MARS1: variants seen among roughly 807,000 people sequenced by gnomAD.
MARS1 encodes the protein methionyl-tRNA synthetase 1.
A neutral mutation model predicts 119.5 loss-of-function variants in MARS1; 80 were observed. The ratio of observed to expected loss-of-function variants is 0.67; its 90% CI spans 0.56 to 0.81. The LOEUF (loss-of-function observed/expected upper bound fraction) is 0.81, where lower values mean the gene tolerates loss of function less well. Among genes scored for constraint, MARS1 ranks in the 30% least tolerant of loss-of-function variants. MARS1 has a pLI of 0.00. For missense variants in MARS1, 945 were observed against 1,116.5 expected (o/e 0.85, Z 2.19); for synonymous variants, 418 against 433.4 (o/e 0.96, Z 0.44).
intron 7 of MARS1, among the ~76,000 whole-genome samples, chr12:57,496,172 ACTTT>A (rs754132417): frequency 9.1e-5 from 13 of 143,306 alleles, no homozygotes; most frequent in Non-Finnish European, 1.4e-4. Flanking sequence ...CAATATAAGC[ACTTT>A]CTTTTTTTTT....
chr12:57,516,592 CTCATAGA>C lies in MARS1; in HGVS notation c.*12_*18del. ...AAGAAGAAAAAGTAAAAGACCTTGG[CTCATAGA>C]AAGTCACTTTAATAGATAGGGACAG... On this transcript the variant is annotated 3_prime_UTR_variant, in exon 21 of 21. Transcript: ENST00000262027. 6.4e-7 allele frequency: 1 copy of C among 1,562,218 alleles called. No individual in the cohort carries two copies. The highest frequency in any genetic ancestry group is 8.6e-7 in the Non-Finnish European group (1 of 1,161,308).
chr12:57,516,533 A>T lies in MARS1; in HGVS notation c.2655A>T (p.Val885=). ...KLLDLKKQLA[V]AEGKPPEAPK... ...TGGATCTAAAGAAACAGTTGGCTGT[A>T]GCTGAGGGGAAACCCCCTGAAGCCC... is the stretch of plus-strand genomic sequence containing the variant. The change falls in exon 21 of 21, where the codon GTA becomes GTT. Residue 885 remains valine, a synonymous_variant. Coordinates refer to ENST00000262027, the MANE Select transcript of MARS1 (RefSeq NM_004990.4). 1.2e-6 allele frequency: 2 copies of T among 1,610,274 alleles called. No individual in the cohort carries two copies. Among genetic ancestry groups the T allele is most frequent in the Non-Finnish European group, 1.7e-6 (2 of 1,178,980 alleles).
At chr12:57,508,606 C>T (rs1482894289) in intron 11 of MARS1, among the ~76,000 whole-genome samples, 3 of 152,142 alleles carry the variant, frequency 2.0e-5, no homozygotes, top group African/African-American at 4.8e-5. Flanking sequence ...GCAGAGATGG[C>T]GGCAGTACAG....
At chr12:57,511,666 C>A (rs540738676) in intron 11 of MARS1, 32 bp from the exon 12 acceptor site, 19 of 1,612,596 alleles carry the variant, frequency 1.2e-5, no homozygotes, top group Non-Finnish European at 1.4e-5. Context: ...ATGAGACTTT[C>A]CTAAATCAGC....
intron 15 of MARS1, among the ~76,000 whole-genome samples, chr12:57,513,247 C>A (rs998468060): frequency 1.3e-5 from 2 of 152,100 alleles, no homozygotes; most frequent in African/African-American, 2.4e-5. Context: ...AAGATGTATT[C>A]TCTCCCAGCA....
chr12:57,503,919 C>A (rs1877056893), intron 10 of MARS1: 2 of 259,736 alleles, frequency 7.7e-6, no homozygotes, highest in Non-Finnish European at 7.3e-6. Context: ...CACTTCATCA[C>A]TCCTTCCTCC....
chr12:57,503,593 G>C (rs1877037931), intron 10 of MARS1, among the ~76,000 whole-genome samples: 2 of 150,378 alleles, frequency 1.3e-5, no homozygotes, highest in South Asian at 4.2e-4. Context: ...TCAGCAGCCT[G>C]GCGTGCGGTG....
At chr12:57,493,135 T>C (rs541328258) in intron 7 of MARS1, among the ~76,000 whole-genome samples, 1 of 150,848 alleles carries the variant, frequency 6.6e-6, no homozygotes, top group East Asian at 2.0e-4. Flanking sequence ...ATTGTCACAT[T>C]ACATGTTTGT....
intron 1 of MARS1, chr12:57,488,741 G>C: frequency 7.6e-7 from 1 of 1,312,980 alleles, no homozygotes; most frequent in South Asian, 1.3e-5. Context: ...GTTACTTTCA[G>C]TCGTTAAGTT....
At chr12:57,502,107 A>G (rs1352245116) in intron 10 of MARS1, among the ~76,000 whole-genome samples, 1 of 152,188 alleles carries the variant, frequency 6.6e-6, no homozygotes, top group Non-Finnish European at 1.5e-5. Flanking sequence ...AAAAGAAAAA[A>G]TAGACTTGAG....
At chr12:57,488,785 C>T (rs924781880) in intron 1 of MARS1, 2 of 898,086 alleles carry the variant, frequency 2.2e-6, no homozygotes, top group Non-Finnish European at 3.5e-6. Context: ...ACCACCACCT[C>T]CTCTGCAGTC....
chr12:57,510,732 A>T (rs1877470554), intron 11 of MARS1, among the ~76,000 whole-genome samples: 1 of 151,824 alleles, frequency 6.6e-6, no homozygotes, highest in Admixed American at 6.6e-5. Flanking sequence ...GGAGTTTGAG[A>T]GTAGCCTGGG....
chr12:57,498,621 C>A lies in MARS1; in HGVS notation c.1089C>A (p.Thr363=). Residue 363 remains threonine (T), a splice_region_variant and synonymous_variant, in exon 9 of 21, where the codon ACC becomes ACA. Coordinates refer to ENST00000262027, the MANE Select transcript of MARS1 (RefSeq NM_004990.4). ...GTCGCACCACCACTCCACAGCAGAC[C>A]AAGTAAGTTTCCTCTAATGAGGCAG... is the stretch of plus-strand genomic sequence containing the variant. ...IFGRTTTPQQ[T]KITQDIFQQL... The A allele has an allele frequency of 6.2e-7, 1 of 1,613,828 alleles. No homozygotes were observed. The highest frequency in any genetic ancestry group is 8.5e-7 in the Non-Finnish European group (1 of 1,179,794).
At chr12:57,489,233 T>G in intron 2 of MARS1, 34 bp from the exon 3 acceptor site, 1 of 1,611,506 alleles carries the variant, frequency 6.2e-7, no homozygotes, top group Non-Finnish European at 8.5e-7. Flanking sequence ...TGGGCCCCTC[T>G]AAGTCCATCA....
rs138343927 is a variant in MARS1 at position 57,516,258 on chromosome 12, C to T, written c.2477C>T (p.Pro826Leu). The T allele has an allele frequency of 7.8e-5, 126 of 1,613,974 alleles. No homozygotes were observed. The highest frequency in any genetic ancestry group is 1.0e-4 in the Non-Finnish European group (120 of 1,180,028). ...GTTGTTCTCCAGGCAAAAACGTCCC[C>T]GAAGCCAGCAGTTGTAGAGACTGTT... ...RFGGGQAKTS[P>L]KPAVVETVTT... Residue 826 changes from proline to leucine, a missense_variant, in exon 20 of 21, where the codon CCG (proline) becomes CTG (leucine). Transcript: ENST00000262027.
At chr12:57,507,801 C>A (rs1017764697) in intron 11 of MARS1, among the ~76,000 whole-genome samples, 9 of 148,044 alleles carry the variant, frequency 6.1e-5, no homozygotes, top group Admixed American at 4.7e-4. Context: ...CGGGCGGAGG[C>A]TGACCCCCAC....
chr12:57,513,624 A>T (rs1427882819), intron 15 of MARS1, among the ~76,000 whole-genome samples: 1 of 151,798 alleles, frequency 6.6e-6, no homozygotes, highest in Non-Finnish European at 1.5e-5. Flanking sequence ...CAAAAAAAAA[A>T]AAAAAAAAAG....
chr12:57,488,084 C>T lies in MARS1; in HGVS notation c.-7C>T, dbSNP rs749853478. 5 of 1,612,536 alleles carry T rather than the reference C, an allele frequency of 3.1e-6. No individual in the cohort carries two copies. In the South Asian group the frequency reaches 4.4e-5, roughly 14 times the overall value. On this transcript the variant is annotated 5_prime_UTR_variant, in exon 1 of 21. It adds an upstream start codon to the 5' untranslated region. Coordinates refer to ENST00000262027, the MANE Select transcript of MARS1 (RefSeq NM_004990.4). ...TCCGGTTGCATCAGCGAGGGATTCA[C>T]GGCGAAATGAGACTGTTCGTGAGTG...
chr12:57,507,830 GGCT>G (rs1381389531), intron 11 of MARS1, among the ~76,000 whole-genome samples: 2 of 151,188 alleles, frequency 1.3e-5, no homozygotes, highest in Admixed American at 6.6e-5. Flanking sequence ...CGGACGGGGT[GGCT>G]GCCGGGCGGA....
Sources: gnomAD v4.1 joint callset for allele counts (sites outside exome capture counted in the v4.1 genomes callset) on GRCh38, gnomAD v4.1.1 for gene constraint, MANE v1.5 for transcripts, NCBI Gene and HGNC (gene_info 2026-07-23, HGNC 2026-07-21) for gene names.